PHGDH: variants seen among roughly 807,000 people sequenced by gnomAD.
The protein encoded by PHGDH is phosphoglycerate dehydrogenase, also known as D-3-phosphoglycerate dehydrogenase.
A neutral mutation model predicts 52.6 loss-of-function variants in PHGDH; 50 were observed. The observed-to-expected ratio is 0.95, with a 90% CI of 0.76 to 1.20. The LOEUF (loss-of-function observed/expected upper bound fraction) is 1.20, where lower values mean the gene tolerates loss of function less well. Ranked by LOEUF, PHGDH falls within the 50% of genes most tolerant of loss-of-function variation. PHGDH has a pLI of 0.00. For synonymous variants in PHGDH, 271 were observed against 280.5 expected, an observed-to-expected ratio of 0.97 and a Z score of 0.34; for missense variants, 630 against 684.6, an observed-to-expected ratio of 0.92 and a Z score of 0.89.
chr1:119,734,847 C>T (rs587655026), intron 6 of PHGDH, 81 bp downstream of exon 6: 2 of 1,477,146 alleles, frequency 1.4e-6, no homozygotes, highest in African/African-American at 2.8e-5. Flanking sequence ...GGGCCTTCCC[C>T]AGACAGTGGT....
At chr1:119,725,257 T>C (rs587664398) in intron 3 of PHGDH, among the ~76,000 whole-genome samples, 1 of 152,308 alleles carries the variant, frequency 6.6e-6, no homozygotes, top group South Asian at 2.1e-4. Context: ...TTCCAAAGCA[T>C]TGAAACCTGG....
At chr1:119,717,383 T>G (rs1256822902) in intron 1 of PHGDH, among the ~76,000 whole-genome samples, 1 of 152,130 alleles carries the variant, frequency 6.6e-6, no homozygotes, top group Admixed American at 6.5e-5. Flanking sequence ...TCTTTTTCCA[T>G]GCAGAAGTTT....
chr1:119,743,718 C>T (rs1238226084), intron 11 of PHGDH, 168 bp from the exon 12 acceptor site: 5 of 729,526 alleles, frequency 6.9e-6, no homozygotes, highest in East Asian at 4.9e-5. Context: ...TCCATGGAAG[C>T]TGAGCAGATG....
chr1:119,721,032 C>A, intron 1 of PHGDH, 138 bp from the exon 2 acceptor site: 3 of 823,218 alleles, frequency 3.6e-6, no homozygotes, highest in South Asian at 2.7e-5. Flanking sequence ...CCAAAGATAT[C>A]TATGAACTGG....
intron 1 of PHGDH, chr1:119,720,834 A>T: frequency 5.3e-6 from 2 of 378,362 alleles, no homozygotes; most frequent in Non-Finnish European, 1.0e-5. Flanking sequence ...CATGTGTCTG[A>T]TGGACATCCA....
chr1:119,723,347 T>C (rs200123127), intron 2 of PHGDH, 29 bp from the exon 3 acceptor site: 12 of 1,577,998 alleles, frequency 7.6e-6, no homozygotes, highest in Non-Finnish European at 9.6e-6. Flanking sequence ...TCTGTGCCCA[T>C]TGATGTCCCC....
intron 10 of PHGDH, chr1:119,742,349 T>G: frequency 2.8e-6 from 1 of 355,784 alleles, no homozygotes; most frequent in Admixed American, 4.3e-5. Context: ...TAGATCAAAG[T>G]CTGTTTCAAA....
chr1:119,732,303 G>A (rs1372430412), intron 5 of PHGDH, among the ~76,000 whole-genome samples: 3 of 152,238 alleles, frequency 2.0e-5, no homozygotes, highest in African/African-American at 7.2e-5. Context: ...TGCTTAGAAA[G>A]TGAGGCTTCC....
Position 119,726,860 on chromosome 1 carries a change from C to G in PHGDH, c.366C>G (p.Pro122=), listed in dbSNP as rs1210498938. 1 of 1,613,912 alleles carries G rather than the reference C, an allele frequency of 6.2e-7. No individual in the cohort carries two copies. Among genetic ancestry groups the G allele is most frequent in the Non-Finnish European group, 8.5e-7 (1 of 1,179,982 alleles). ...GTGTCTATCCTTGCAGGCAGATTCC[C>G]CAGGCGACGGCTTCGATGAAGGACG... ...GMIMCLARQI[P]QATASMKDGK... The change falls in exon 4 of 12, where the codon CCC becomes CCG. Residue 122 remains proline (P), a synonymous_variant. Coordinates refer to ENST00000641023, the MANE Select transcript of PHGDH (RefSeq NM_006623.4).
chr1:119,731,037 C>CA (rs1301941785), intron 5 of PHGDH, among the ~76,000 whole-genome samples: 3 of 152,126 alleles, frequency 2.0e-5, no homozygotes, highest in Non-Finnish European at 2.9e-5. Flanking sequence ...CTTGTGGGTC[C>CA]AAAAAGCAGC....
At chr1:119,726,613 C>T in intron 3 of PHGDH, 1 of 594,890 alleles carries the variant, frequency 1.7e-6, no homozygotes, top group Non-Finnish European at 3.0e-6. Flanking sequence ...TCCATACCTC[C>T]TCCCAGATGC....
chr1:119,722,603 T>C (rs1268888452), intron 2 of PHGDH, among the ~76,000 whole-genome samples: 1 of 151,618 alleles, frequency 6.6e-6, no homozygotes, highest in Non-Finnish European at 1.5e-5. Context: ...AGGTTGGGGC[T>C]GCGTGTGGGG....
At chr1:119,731,334 C>T (rs993062809) in intron 5 of PHGDH, among the ~76,000 whole-genome samples, 24 of 152,168 alleles carry the variant, frequency 1.6e-4, no homozygotes, top group African/African-American at 3.4e-4. Flanking sequence ...AATGACAGGT[C>T]GTGACCTCAG....
intron 11 of PHGDH, among the ~76,000 whole-genome samples, chr1:119,743,592 G>C (rs587716113): frequency 2.1e-4 from 32 of 152,312 alleles, no homozygotes; most frequent in African/African-American, 7.7e-4. Context: ...CATTCTTTCT[G>C]GCTGCCCAAG....
intron 1 of PHGDH, chr1:119,714,621 C>G (rs1451993431): frequency 6.6e-6 from 1 of 152,274 alleles, no homozygotes; most frequent in Non-Finnish European, 1.5e-5. Flanking sequence ...AATCCCAACA[C>G]TTTGGGAGGG....
rs150995624 is a variant in PHGDH, at chr1:119,737,144, C to A, written c.823C>A (p.His275Asn). Residue 275 changes from histidine (H) to asparagine (N), a missense_variant, in exon 8 of 12, where the codon CAT becomes AAT. His to Asn is a moderately conservative substitution (Grantham distance 68). Transcript: ENST00000641023. Reference protein sequence around the residue: ...EPPRDRALVDHENVISCPHLG... With the variant: ...EPPRDRALVDNENVISCPHLG... Reference sequence around the variant, plus strand: ...GCCACGGGACCGGGCCTTGGTGGACCATGAGAATGTCATCAGCTGTCCCCA... The same window carrying A: ...GCCACGGGACCGGGCCTTGGTGGACAATGAGAATGTCATCAGCTGTCCCCA... The A allele has an allele frequency of 6.2e-7, 1 of 1,614,058 alleles. No homozygotes were observed. The highest frequency in any genetic ancestry group is 8.5e-7 in the Non-Finnish European group (1 of 1,180,014).
At chr1:119,716,155 C>T (rs1382462965) in intron 1 of PHGDH, among the ~76,000 whole-genome samples, 1 of 152,090 alleles carries the variant, frequency 6.6e-6, no homozygotes, top group Non-Finnish European at 1.5e-5. Context: ...GCCTTGGAAG[C>T]TCATTAACTC....
rs931670580 is a variant in PHGDH, at chr1:119,742,848, C to G, written c.1251C>G (p.Gly417=). 1 of 1,613,804 alleles carries G rather than the reference C, an allele frequency of 6.2e-7. No homozygotes were observed. Among genetic ancestry groups the G allele is most frequent in the East Asian group, 2.2e-5 (1 of 44,884 alleles). ...SHSPAAPGEQ[G]FGECLLAVAL... ...GCCCTGCTGCACCAGGGGAGCAAGG[C>G]TTCGGGGAATGCCTCCTGGCCGTGG... Residue 417 remains glycine (G), a synonymous_variant, in exon 11 of 12, where the codon GGC becomes GGG. Coordinates refer to ENST00000641023, the MANE Select transcript of PHGDH (RefSeq NM_006623.4).
Position 119,711,970 on chromosome 1 carries a change from C to G in PHGDH, c.-53C>G. ...AGCGCGCCAGGCCGAACCGCAGCTTCTTGGCTTAGGTACTTCTACTCACAG... is the reference window on the plus strand; with the variant it reads ...AGCGCGCCAGGCCGAACCGCAGCTTGTTGGCTTAGGTACTTCTACTCACAG... On this transcript the variant is annotated 5_prime_UTR_variant, in exon 1 of 12. Transcript: ENST00000641023. 1.2e-6 allele frequency: 2 copies of G among 1,608,314 alleles called. No individual in the cohort carries two copies. Among genetic ancestry groups the G allele is most frequent in the Non-Finnish European group, 1.7e-6 (2 of 1,176,040 alleles).
Sources: gnomAD v4.1 joint callset for allele counts (sites outside exome capture counted in the v4.1 genomes callset) on GRCh38, gnomAD v4.1.1 for gene constraint, MANE v1.5 for transcripts, NCBI Gene and HGNC (gene_info 2026-07-23, HGNC 2026-07-21) for gene names.